The following EFCAB13 variants were observed in gnomAD, a reference collection of about 807,000 sequenced individuals.
EFCAB13 encodes the protein EF-hand calcium binding domain 13.
A neutral mutation model predicts 110.2 loss-of-function variants in EFCAB13; 91 were observed. That is an observed-to-expected ratio of 0.83 (90% CI 0.70 to 0.98). The LOEUF is 0.98. Among genes scored for constraint, EFCAB13 ranks in the 50% least tolerant of loss-of-function variants. The probability of loss-of-function intolerance (pLI) is 0.00; values close to 1 mark genes in which losing one functional copy is unlikely to be tolerated. For missense variants in EFCAB13, 968 were observed against 1,119.4 expected (o/e 0.86, Z 1.93); for synonymous variants, 323 against 369.9 (o/e 0.87, Z 1.45).
At chr17:47,401,210 T>C (rs995928221) in intron 17 of EFCAB13, among the ~76,000 whole-genome samples, 1 of 152,252 alleles carries the variant, frequency 6.6e-6, no homozygotes, top group South Asian at 2.1e-4. Context: ...TTGTTAATTG[T>C]AGCTATATAC....
At chr17:47,432,399 A>AAAATAAAC (rs1905133977) in intron 24 of EFCAB13, among the ~76,000 whole-genome samples, 1 of 138,460 alleles carries the variant, frequency 7.2e-6, no homozygotes, top group Non-Finnish European at 1.5e-5. Flanking sequence ...ATCCATCTCA[A>AAAATAAAC]AAATAAATAA....
At position 47,374,538 on chromosome 17, in the gene EFCAB13, G is replaced by A. The variant is rs1364323563; in HGVS notation, c.944G>A (p.Cys315Tyr). Residue 315 changes from cysteine (C) to tyrosine (Y), a missense_variant, in exon 12 of 25, where the codon TGC (cysteine) becomes TAC (tyrosine). By Grantham distance (194) the Cys-to-Tyr change is radical (BLOSUM62 -2). Transcript: ENST00000331493. ...AGAAAGTTATCAAGTGTAGCAGGATGCTATCTAAAATATAAGAAGAAAAAT... is the reference window on the plus strand; with the variant it reads ...AGAAAGTTATCAAGTGTAGCAGGATACTATCTAAAATATAAGAAGAAAAAT... ...SDRKLSSVAG[C>Y]YLKYKKKNSL... 3.2e-6 allele frequency: 5 copies of A among 1,581,924 alleles called. No homozygotes were observed. The highest frequency in any genetic ancestry group is 4.3e-6 in the Non-Finnish European group (5 of 1,170,466).
chr17:47,417,196 C>T (rs1483374719), intron 23 of EFCAB13, among the ~76,000 whole-genome samples: 2 of 152,164 alleles, frequency 1.3e-5, no homozygotes, highest in African/African-American at 4.8e-5. Flanking sequence ...GATCATCATC[C>T]TCATCCTCAC....
rs1397881569 is a variant in EFCAB13 at position 47,384,619 on chromosome 17, TGAAATTCCAGTTA to T, written c.1582+5371_1582+5383del. ...TTATAAAACTTAGTTTGGCTGGATA[TGAAATTCCAGTTA>T]GAAAATTCTTTTCTTTAAGAATGTT... On this transcript the variant is annotated intron_variant, in intron 14 of 24. Transcript: ENST00000331493. Among the ~76,000 whole-genome samples, 3 of 152,188 alleles carry T rather than the reference TGAAATTCCAGTTA, an allele frequency of 2.0e-5. No individual in the cohort carries two copies. In the East Asian group the frequency reaches 5.8e-4, roughly 29 times the overall value.
At chr17:47,423,503 A>C in intron 23 of EFCAB13, 1 of 240,608 alleles carries the variant, frequency 4.2e-6, no homozygotes, top group Non-Finnish European at 8.0e-6. Flanking sequence ...CTCGGCGCGC[A>C]GGTGGCTCCT....
At chr17:47,386,519 T>G (rs1231721965) in intron 14 of EFCAB13, among the ~76,000 whole-genome samples, 1 of 152,202 alleles carries the variant, frequency 6.6e-6, no homozygotes, top group Non-Finnish European at 1.5e-5. Flanking sequence ...GACTTCAGAC[T>G]GCTGTGCTGG....
intron 5 of EFCAB13, among the ~76,000 whole-genome samples, chr17:47,338,924 A>G (rs1281517168): frequency 2.0e-5 from 3 of 152,146 alleles, no homozygotes; most frequent in South Asian, 2.1e-4. Context: ...CCATAAATAC[A>G]TACAATTTTA....
At chr17:47,394,723 G>A (rs2065727760) in intron 16 of EFCAB13, among the ~76,000 whole-genome samples, 1 of 152,172 alleles carries the variant, frequency 6.6e-6, no homozygotes, top group South Asian at 2.1e-4. Context: ...TAGATTTTAA[G>A]TAGCAGCTCT....
intron 24 of EFCAB13, 43 bp downstream of exon 24, chr17:47,430,004 A>G (rs750845521): frequency 2.0e-6 from 3 of 1,526,400 alleles, no homozygotes; most frequent in Admixed American, 1.8e-5. Flanking sequence ...ACCATCCTCT[A>G]CCACAGGGGT....
intron 6 of EFCAB13, among the ~76,000 whole-genome samples, chr17:47,343,557 G>A (rs943044023): frequency 9.2e-5 from 14 of 152,072 alleles, no homozygotes; most frequent in Admixed American, 2.0e-4. Context: ...TAACGTGAGA[G>A]TCTTTTTTCC....
intron 24 of EFCAB13, among the ~76,000 whole-genome samples, chr17:47,435,162 T>C (rs938196559): frequency 1.3e-5 from 2 of 151,734 alleles, no homozygotes; most frequent in Admixed American, 6.6e-5. Flanking sequence ...ATCAAGAATC[T>C]ACAAAGAACT....
At chr17:47,346,402 G>A (rs2065415936) in intron 8 of EFCAB13, among the ~76,000 whole-genome samples, 2 of 143,128 alleles carry the variant, frequency 1.4e-5, no homozygotes, top group Non-Finnish European at 3.0e-5. Flanking sequence ...AAGGCTGATT[G>A]ATATTCTGTC....
chr17:47,377,801 A>G lies in EFCAB13; in HGVS notation c.1408A>G (p.Asn470Asp). Residue 470 changes from asparagine (N) to aspartate (D), a missense_variant, in exon 13 of 25, where the codon AAT becomes GAT. Coordinates refer to ENST00000331493, the MANE Select transcript of EFCAB13 (RefSeq NM_152347.5). ...FCEAISKLQE[N>D]YIAAEELQSI... The stretch of plus-strand genomic sequence containing the variant: ...TGAAGCTATCAGTAAACTTCAAGAA[A>G]ATTACATTGCAGCAGAAGAACTTCA... 2 of 1,588,214 alleles carry G rather than the reference A, an allele frequency of 1.3e-6. No homozygotes were observed. The highest frequency in any genetic ancestry group is 1.7e-6 in the Non-Finnish European group (2 of 1,173,314).
chr17:47,399,806 G>T lies in EFCAB13; in HGVS notation c.1946-2326G>T, dbSNP rs534910323. 2.3e-4 allele frequency among the ~76,000 whole-genome samples: 35 copies of T among 152,188 alleles called. 1 individual carries two copies. Among genetic ancestry groups the T allele is most frequent in the Middle Eastern group, 6.8e-3 (2 of 294 alleles). On this transcript the variant is annotated intron_variant, in intron 17 of 24. Coordinates refer to ENST00000331493, the MANE Select transcript of EFCAB13 (RefSeq NM_152347.5). ...ATTACAAAAAAAGCATTGAAAAATA[G>T]AAAAGGTAATTTATCATTTGGCATA...
chr17:47,355,762 G>A (rs1035060399), intron 9 of EFCAB13, among the ~76,000 whole-genome samples: 2 of 151,786 alleles, frequency 1.3e-5, no homozygotes, highest in Admixed American at 6.6e-5. Context: ...TAGTAGAGAC[G>A]GGGTTTCACC....
At chr17:47,384,145 G>GT (rs759808835) in intron 14 of EFCAB13, among the ~76,000 whole-genome samples, 8,615 of 128,612 alleles carry the variant, frequency 0.067, 303 homozygotes, top group East Asian at 0.15. Context: ...GCAACCCCCA[G>GT]TTTTTTTTTT....
chr17:47,434,818 G>A (rs1463925206), intron 24 of EFCAB13, among the ~76,000 whole-genome samples: 1 of 152,052 alleles, frequency 6.6e-6, no homozygotes, highest in Non-Finnish European at 1.5e-5. Context: ...AAATGGTGTG[G>A]GGATAATTGG....
intron 17 of EFCAB13, among the ~76,000 whole-genome samples, chr17:47,400,442 T>C (rs1271030638): frequency 6.6e-6 from 1 of 152,246 alleles, no homozygotes; most frequent in Non-Finnish European, 1.5e-5. Context: ...GCAAGTTGTA[T>C]GAACCTAAGG....
intron 13 of EFCAB13, 127 bp downstream of exon 13, chr17:47,378,030 A>G (rs1297852108): frequency 3.0e-5 from 26 of 861,828 alleles, no homozygotes; most frequent in Non-Finnish European, 3.8e-5. Flanking sequence ...TCTAAAGAAA[A>G]TTCAGATATA....
Sources: allele counts gnomAD v4.1 joint callset (sites outside exome capture counted in the v4.1 genomes callset), GRCh38; gene constraint gnomAD v4.1.1; transcripts MANE v1.5; gene names NCBI Gene and HGNC (gene_info 2026-07-23, HGNC 2026-07-21).